Variants in CDH13 observed in about 807,000 individuals in gnomAD.
CDH13 encodes cadherin 13, also known as cadherin-13.
CDH13 carries 24 observed loss-of-function variants against 63.8 expected under a neutral mutation model. That is an observed-to-expected ratio of 0.38 (90% confidence interval 0.27 to 0.53). CDH13 has a LOEUF of 0.53. CDH13 is among the 20% of genes least tolerant of loss of function. The probability of loss-of-function intolerance (pLI) is 0.85; values close to 1 mark genes in which losing one functional copy is unlikely to be tolerated. For synonymous variants in CDH13, 503 were observed against 355.3 expected (o/e 1.42, Z -4.67); for missense variants, 1,049 against 903.1 (o/e 1.16, Z -2.07).
intron 10 of CDH13, among the ~76,000 whole-genome samples, chr16:83,736,444 A>G (rs556912298): frequency 6.6e-6 from 1 of 152,198 alleles, no homozygotes; most frequent in Non-Finnish European, 1.5e-5. Context: ...TTGTGGCTTT[A>G]TACCCTGAAT....
At position 83,047,843 on chromosome 16, in the gene CDH13, ACT is replaced by A. The variant is rs1021402273; in HGVS notation, c.366+15628_366+15629del. 6.6e-6 allele frequency among the ~76,000 whole-genome samples: 1 copy of A among 152,182 alleles called. No homozygotes were observed. Among genetic ancestry groups the A allele is most frequent in the African/African-American group, 2.4e-5 (1 of 41,458 alleles). On this transcript the variant is annotated intron_variant, in intron 3 of 13. Coordinates refer to ENST00000567109, the MANE Select transcript of CDH13 (RefSeq NM_001257.5). The surrounding 1 kb of genome is among the most constrained non-coding windows in gnomAD (Gnocchi z 4.9). ...ATTAAGTCATATAATCTTTATAATA[ACT>A]CTATAATATAGGTCCTATTTTATCT...
At chr16:82,692,988 C>T (rs930052967) in intron 1 of CDH13, among the ~76,000 whole-genome samples, 1 of 152,146 alleles carries the variant, frequency 6.6e-6, no homozygotes, top group Non-Finnish European at 1.5e-5. Context: ...TTGCCTTCCA[C>T]CTTGTTAGAT....
At chr16:83,707,083 G>C (rs962387804) in intron 10 of CDH13, among the ~76,000 whole-genome samples, 2 of 152,276 alleles carry the variant, frequency 1.3e-5, no homozygotes, top group Admixed American at 6.5e-5. Context: ...ACATTTGCAG[G>C]ACTAAGAAGG....
intron 5 of CDH13, among the ~76,000 whole-genome samples, chr16:83,307,236 G>T (rs917896107): frequency 6.6e-6 from 1 of 152,168 alleles, no homozygotes; most frequent in Non-Finnish European, 1.5e-5. Flanking sequence ...GTGGGTGATT[G>T]TGGCGATAAT....
At chr16:83,450,795 G>T (rs142705210) in intron 6 of CDH13, among the ~76,000 whole-genome samples, 4 of 152,272 alleles carry the variant, frequency 2.6e-5, no homozygotes, top group Admixed American at 6.5e-5. Context: ...GCGTGAACCC[G>T]GGAGGCGGAG....
At chr16:82,652,505 C>A (rs1013307412) in intron 1 of CDH13, among the ~76,000 whole-genome samples, 3 of 152,154 alleles carry the variant, frequency 2.0e-5, no homozygotes, top group African/African-American at 7.2e-5. Context: ...GAAGTTTGCT[C>A]AGTGATATGA....
chr16:83,410,117 G>C (rs988613508), intron 6 of CDH13, among the ~76,000 whole-genome samples: 1 of 152,284 alleles, frequency 6.6e-6, no homozygotes, highest in Middle Eastern at 3.4e-3. Flanking sequence ...CAGGTAATAA[G>C]ATTATGAGCA....
At chr16:82,690,872 A>G (rs1310855749) in intron 1 of CDH13, among the ~76,000 whole-genome samples, 2 of 152,222 alleles carry the variant, frequency 1.3e-5, no homozygotes, top group African/African-American at 2.4e-5. Flanking sequence ...CTGTCCCATC[A>G]TGGACCAGAA....
chr16:83,045,858 C>T lies in CDH13; in HGVS notation c.366+13640C>T, dbSNP rs544453685. Among the ~76,000 whole-genome samples, 3 of 152,338 alleles carry T rather than the reference C, an allele frequency of 2.0e-5. No individual in the cohort carries two copies. In the East Asian group the frequency reaches 5.8e-4, roughly 29 times the overall value. ...ATGGGATGATCAAATTACATGGTCTCATCCAAAGTTTTCAGGCAGAAGCCT... is the reference window on the plus strand; with the variant it reads ...ATGGGATGATCAAATTACATGGTCTTATCCAAAGTTTTCAGGCAGAAGCCT... On this transcript the variant is annotated intron_variant, in intron 3 of 13. Transcript: ENST00000567109.
chr16:82,887,833 G>A (rs1464089412), intron 2 of CDH13, among the ~76,000 whole-genome samples: 1 of 151,976 alleles, frequency 6.6e-6, no homozygotes, highest in African/African-American at 2.4e-5. Context: ...GAAAAAAAAA[G>A]AAAGGAGAAG....
At chr16:83,533,154 C>T (rs1178357682) in intron 7 of CDH13, among the ~76,000 whole-genome samples, 1 of 152,214 alleles carries the variant, frequency 6.6e-6, no homozygotes. Context: ...TCCACTCACT[C>T]TTATGCCAGA....
At chr16:83,334,010 C>G (rs1286390126) in intron 5 of CDH13, among the ~76,000 whole-genome samples, 2 of 152,106 alleles carry the variant, frequency 1.3e-5, no homozygotes, top group African/African-American at 4.8e-5. Flanking sequence ...CGCAGGGCTA[C>G]CTTCACTCCT....
chr16:82,962,250 T>C (rs1432706265), intron 2 of CDH13, among the ~76,000 whole-genome samples: 1 of 152,082 alleles, frequency 6.6e-6, no homozygotes, highest in African/African-American at 2.4e-5. Flanking sequence ...GATATAACCA[T>C]AGAGGCAGAA....
chr16:83,234,403 C>T (rs1350043220), intron 5 of CDH13, among the ~76,000 whole-genome samples: 1 of 152,172 alleles, frequency 6.6e-6, no homozygotes, highest in East Asian at 1.9e-4. Context: ...CCACCTGCCC[C>T]AAGGCCCTTT....
intron 5 of CDH13, among the ~76,000 whole-genome samples, chr16:83,252,498 A>G (rs775875973): frequency 2.0e-5 from 3 of 152,082 alleles, no homozygotes; most frequent in Non-Finnish European, 4.4e-5. Flanking sequence ...GAGCACGCCT[A>G]TTCTTAAAGT....
At chr16:83,411,022 C>G (rs1034036862) in intron 6 of CDH13, among the ~76,000 whole-genome samples, 8 of 152,164 alleles carry the variant, frequency 5.3e-5, no homozygotes, top group African/African-American at 1.9e-4. Flanking sequence ...TTTTTCTCTC[C>G]CATATCCAGT....
chr16:82,936,785 C>A (rs1018015005), intron 2 of CDH13, among the ~76,000 whole-genome samples: 3 of 152,166 alleles, frequency 2.0e-5, no homozygotes, highest in Non-Finnish European at 2.9e-5. Flanking sequence ...ATTGCCCACA[C>A]AACTGCTTAG....
At chr16:83,323,631 CAAAA>C (rs929255744) in intron 5 of CDH13, among the ~76,000 whole-genome samples, 2 of 152,024 alleles carry the variant, frequency 1.3e-5, no homozygotes, top group Admixed American at 1.3e-4. Flanking sequence ...CAAAAATAAA[CAAAA>C]AATAAAGCAA....
intron 6 of CDH13, among the ~76,000 whole-genome samples, chr16:83,468,965 C>A (rs536656204): frequency 2.0e-5 from 3 of 152,320 alleles, no homozygotes; most frequent in South Asian, 4.1e-4. Context: ...TTTCTGATTG[C>A]CCACCATTGC....
Sources: allele counts gnomAD v4.1 joint callset (sites outside exome capture counted in the v4.1 genomes callset), GRCh38; gene constraint gnomAD v4.1.1; non-coding constraint Gnocchi (gnomAD v3.1); transcripts MANE v1.5; gene names NCBI Gene and HGNC (gene_info 2026-07-23, HGNC 2026-07-21).